The following HDX variants were observed in gnomAD, a reference collection of about 807,000 sequenced individuals.
The protein encoded by HDX is chromosome X open reading frame 43.
HDX carries 19 observed loss-of-function variants against 45.2 expected under a neutral mutation model. The ratio of observed to expected loss-of-function variants is 0.42; its 90% CI spans 0.29 to 0.62. HDX has a LOEUF of 0.62. Ranked by LOEUF, HDX falls within the 20% of genes least tolerant of loss-of-function variation. HDX has a pLI of 0.20. For missense variants in HDX, 532 were observed against 493.9 expected, an observed-to-expected ratio of 1.08 and a Z score of -0.73; for synonymous variants, 188 against 172.8, an observed-to-expected ratio of 1.09 and a Z score of -0.69.
intron 6 of HDX, among the ~76,000 whole-genome samples, chrX:84,348,014 G>C: frequency 9.1e-6 from 1 of 110,341 alleles, no homozygotes; most frequent in Non-Finnish European, 1.9e-5. Context: ...ATTAATTTAG[G>C]GAAAATTCTC....
In HDX at chrX:84,430,016, T is replaced by C. The variant is rs1189628732; in HGVS notation, c.1305+10516A>G. Among the ~76,000 whole-genome samples the C allele has an allele frequency of 4.0e-5, 4 of 100,458 alleles. No individual in the cohort carries two copies. The East Asian group carries it at 9.0e-4, about 23-fold the overall frequency. The allele number at this position is 100,458 out of a possible 115,157, so 87.2% of individuals were successfully genotyped here. A position where few individuals can be genotyped will look rare whatever the true frequency, so the allele number is the denominator to read the frequency against. Reference sequence around the variant, plus strand: ...CATCCTCTCAAATATTTATCACTTATTTGTTTTGGGAACATTCAGTATCCT... The same window carrying C: ...CATCCTCTCAAATATTTATCACTTACTTGTTTTGGGAACATTCAGTATCCT... On this transcript the variant is annotated intron_variant, in intron 5 of 10. Coordinates refer to ENST00000373177, the MANE Select transcript of HDX (RefSeq NM_001177479.2).
chrX:84,476,422 G>C (rs745654021), intron 2 of HDX, among the ~76,000 whole-genome samples: 38 of 108,672 alleles, frequency 3.5e-4, no homozygotes, highest in African/African-American at 1.1e-3. Flanking sequence ...GTGTGAGCCT[G>C]TGGTCCCTGC....
chrX:84,436,336 C>A (rs934105524), intron 5 of HDX, among the ~76,000 whole-genome samples: 3 of 103,974 alleles, frequency 2.9e-5, no homozygotes, highest in Non-Finnish European at 5.9e-5. Flanking sequence ...CTAGATGACG[C>A]GTTAATGGGT....
At chrX:84,380,589 T>C (rs1033591534) in intron 5 of HDX, among the ~76,000 whole-genome samples, 3 of 111,523 alleles carry the variant, frequency 2.7e-5, no homozygotes, top group Non-Finnish European at 5.7e-5. Context: ...TCAGTCAATG[T>C]GATACATCAC....
chrX:84,356,464 G>T (rs1223332695), intron 6 of HDX, among the ~76,000 whole-genome samples: 1 of 110,756 alleles, frequency 9.0e-6, no homozygotes, highest in East Asian at 2.8e-4. Context: ...CTTTTTCACA[G>T]ATTACGATCT....
chrX:84,333,114 T>C (rs2036879670), intron 9 of HDX, among the ~76,000 whole-genome samples: 1 of 111,698 alleles, frequency 9.0e-6, no homozygotes, highest in South Asian at 3.7e-4. Flanking sequence ...CAAAGTTACC[T>C]AGTAAGATAG....
At chrX:84,369,824 GT>G (rs2037850223) in intron 5 of HDX, among the ~76,000 whole-genome samples, 1 of 111,961 alleles carries the variant, frequency 8.9e-6, no homozygotes, top group Admixed American at 9.5e-5. Context: ...TGTAGGAGTT[GT>G]AAAAATATAT....
chrX:84,410,062 TAA>T (rs1215257762), intron 5 of HDX, among the ~76,000 whole-genome samples: 2,789 of 74,552 alleles, frequency 0.037, 72 homozygotes, highest in African/African-American at 0.094. Context: ...CAAAAAAGAT[TAA>T]AAAAAAAAAA....
intron 1 of HDX, among the ~76,000 whole-genome samples, chrX:84,496,870 T>C (rs1158254486): frequency 9.0e-6 from 1 of 111,413 alleles, no homozygotes; most frequent in Non-Finnish European, 1.9e-5. Context: ...TCTCTTCCAA[T>C]TGTTGCTTTG....
At chrX:84,351,365 G>GTTTGT (rs910827208) in intron 6 of HDX, among the ~76,000 whole-genome samples, 1 of 110,578 alleles carries the variant, frequency 9.0e-6, no homozygotes, top group African/African-American at 3.3e-5. Flanking sequence ...TTGTTTGTTG[G>GTTTGT]TTTGTTTTGT....
intron 5 of HDX, among the ~76,000 whole-genome samples, chrX:84,364,663 C>A (rs1484050523): frequency 9.2e-6 from 1 of 108,326 alleles, no homozygotes; most frequent in Non-Finnish European, 1.9e-5. Context: ...CCTCCACGCC[C>A]AGCTAATTTT....
chrX:84,412,133 C>T (rs769629833), intron 5 of HDX, among the ~76,000 whole-genome samples: 13 of 111,388 alleles, frequency 1.2e-4, no homozygotes, highest in Non-Finnish European at 2.3e-4. Flanking sequence ...CACTCTGTGC[C>T]TTTTAATTGG....
At chrX:84,381,288 C>A (rs1261192082) in intron 5 of HDX, among the ~76,000 whole-genome samples, 1 of 111,068 alleles carries the variant, frequency 9.0e-6, no homozygotes, top group African/African-American at 3.3e-5. Flanking sequence ...AAGCAATCTA[C>A]AGATTCAGTA....
In HDX at chrX:84,357,035, A is replaced by T. The variant is rs759363119; in HGVS notation, c.1452+4431T>A. Among the ~76,000 whole-genome samples the T allele has an allele frequency of 6.3e-5, 7 of 111,840 alleles. No individual in the cohort carries two copies. The South Asian group carries it at 2.6e-3, about 42-fold the overall frequency. Reference sequence around the variant, plus strand: ...AGGAGGCTCTATGGCTGTCCATAGAACCTGAACACTGTTGTCATGGCACAA... The same window carrying T: ...AGGAGGCTCTATGGCTGTCCATAGATCCTGAACACTGTTGTCATGGCACAA... On this transcript the variant is annotated intron_variant, in intron 6 of 10. Coordinates refer to ENST00000373177, the MANE Select transcript of HDX (RefSeq NM_001177479.2).
chrX:84,443,790 G>T (rs767303776), intron 4 of HDX, among the ~76,000 whole-genome samples: 1 of 111,999 alleles, frequency 8.9e-6, no homozygotes, highest in South Asian at 3.6e-4. Context: ...AATTGTGAAA[G>T]AACTTCAAAA....
intron 10 of HDX, among the ~76,000 whole-genome samples, chrX:84,324,406 C>T (rs2036665516): frequency 9.0e-6 from 1 of 111,394 alleles, no homozygotes; most frequent in South Asian, 3.7e-4. Context: ...ACCTAGATAA[C>T]TTTTTTGGAC....
chrX:84,367,906 G>A (rs911523575), intron 5 of HDX, among the ~76,000 whole-genome samples: 1 of 111,541 alleles, frequency 9.0e-6, no homozygotes, highest in Non-Finnish European at 1.9e-5. Context: ...TGTAGATGAC[G>A]GGTTGATGGG....
intron 5 of HDX, among the ~76,000 whole-genome samples, chrX:84,427,713 T>C (rs972600878): frequency 9.0e-6 from 1 of 111,285 alleles, no homozygotes. Flanking sequence ...TAGTGAACAG[T>C]TGGTTTGTTT....
intron 5 of HDX, among the ~76,000 whole-genome samples, chrX:84,431,300 T>C (rs970896938): frequency 9.0e-6 from 1 of 111,086 alleles, no homozygotes; most frequent in Non-Finnish European, 1.9e-5. Flanking sequence ...TGAATAGTGC[T>C]GTGATGAACA....
Sources: gnomAD v4.1 joint callset for allele counts (sites outside exome capture counted in the v4.1 genomes callset) on GRCh38, gnomAD v4.1.1 for gene constraint, MANE v1.5 for transcripts, NCBI Gene and HGNC (gene_info 2026-07-23, HGNC 2026-07-21) for gene names.